RNF38: variants seen among roughly 807,000 people sequenced by gnomAD.
The protein encoded by RNF38 is ring finger protein 38.
In RNF38, 15 loss-of-function variants were observed where a neutral mutation model predicts 67.2. That is an observed-to-expected ratio of 0.22 (90% CI 0.15 to 0.34). The LOEUF (loss-of-function observed/expected upper bound fraction) is 0.34, where lower values mean the gene tolerates loss of function less well. Among genes scored for constraint, RNF38 ranks in the 10% least tolerant of loss-of-function variants. The pLI, the probability that RNF38 is intolerant of heterozygous loss-of-function variation, is 1.00. For synonymous variants in RNF38, 220 were observed against 218.8 expected, an observed-to-expected ratio of 1.01 and a Z score of -0.05; for missense variants, 524 against 639.9, an observed-to-expected ratio of 0.82 and a Z score of 1.95.
In RNF38 at chr9:36,458,721, T is replaced by A. The variant is rs950763897; in HGVS notation, n.241+28587A>T. Among the ~76,000 whole-genome samples, 22 of 149,556 alleles carry A rather than the reference T, an allele frequency of 1.5e-4. 1 individual carries two copies. The highest frequency in any genetic ancestry group is 4.9e-5 in the African/African-American group (2 of 40,478). ...ACACCATCTTTAAGAGTTGTAACACTCACCGCGAGGGTCCGCGGCTTCATT... is the reference window on the plus strand; with the variant it reads ...ACACCATCTTTAAGAGTTGTAACACACACCGCGAGGGTCCGCGGCTTCATT... On this transcript the variant is annotated intron_variant and non_coding_transcript_variant, in intron 1 of 3. Transcript: ENST00000488058.
chr9:36,396,337 C>CAGTA (rs1296360647), intron 1 of RNF38, among the ~76,000 whole-genome samples: 1 of 152,116 alleles, frequency 6.6e-6, no homozygotes, highest in African/African-American at 2.4e-5. Context: ...AGTGGTTGCC[C>CAGTA]AGTAAGTCCA....
chr9:36,411,874 A>C (rs1191806288), intron 2 of RNF38, among the ~76,000 whole-genome samples: 1 of 152,054 alleles, frequency 6.6e-6, no homozygotes, highest in East Asian at 1.9e-4. Context: ...CAGCCTTACA[A>C]AAGAGTATTA....
exon 1 of RNF38, chr9:36,487,453 C>A (rs1470952923): frequency 5.1e-6 from 5 of 979,994 alleles, no homozygotes; most frequent in African/African-American, 3.5e-5. Flanking sequence ...GGGGCCCAAG[C>A]TCGGCGGGGC....
intron 11 of RNF38, among the ~76,000 whole-genome samples, 180 bp downstream of exon 11, chr9:36,342,145 T>C (rs1832903318): frequency 6.8e-6 from 1 of 146,312 alleles, no homozygotes; most frequent in African/African-American, 2.5e-5. Flanking sequence ...GTATAGTCAC[T>C]CCTATGTTGT....
upstream of RNF38, among the ~76,000 whole-genome samples, chr9:36,401,685 A>C (rs920357144): frequency 2.6e-5 from 4 of 152,192 alleles, no homozygotes; most frequent in East Asian, 1.9e-4. Context: ...CAAAAGCACA[A>C]TCCATACAAG....
chr9:36,395,992 T>C (rs199954370), intron 1 of RNF38, among the ~76,000 whole-genome samples: 8 of 152,154 alleles, frequency 5.3e-5, no homozygotes, highest in African/African-American at 1.9e-4. Flanking sequence ...TCTTGGAATA[T>C]TAGGAAGAAA....
chr9:36,477,797 G>A (rs1840154505), intron 1 of RNF38, among the ~76,000 whole-genome samples: 1 of 146,966 alleles, frequency 6.8e-6, no homozygotes, highest in Admixed American at 6.9e-5. Context: ...ACTCCAGCCT[G>A]GGCGACAGAG....
chr9:36,476,512 G>A (rs1413814412), intron 1 of RNF38, among the ~76,000 whole-genome samples: 2 of 145,606 alleles, frequency 1.4e-5, no homozygotes, highest in Admixed American at 7.4e-5. Flanking sequence ...ATGGACTATC[G>A]GGCAATCTTT....
rs568821419 is a variant in RNF38 at position 36,458,610 on chromosome 9, C to G, written n.241+28698G>C. Among the ~76,000 whole-genome samples the G allele has an allele frequency of 1.4e-4, 21 of 152,242 alleles. No homozygotes were observed. In the South Asian group the frequency reaches 4.4e-3, roughly 32 times the overall value. On this transcript the variant is annotated intron_variant and non_coding_transcript_variant, in intron 1 of 3. Coordinates refer to the RNF38 transcript ENST00000488058. The stretch of plus-strand genomic sequence containing the variant: ...TAACACTCACTGCGAAGATCTGCGG[C>G]TTCACTCCTGAAGTCAGTGAGACCA...
At chr9:36,358,246 G>T (rs73648743) in intron 4 of RNF38, among the ~76,000 whole-genome samples, 1 of 152,078 alleles carries the variant, frequency 6.6e-6, no homozygotes, top group East Asian at 1.9e-4. Flanking sequence ...AGAATAAAAA[G>T]AACTGGAATC....
chr9:36,429,244 T>G (rs1052033055), intron 1 of RNF38, among the ~76,000 whole-genome samples: 3 of 152,162 alleles, frequency 2.0e-5, no homozygotes, highest in African/African-American at 7.2e-5. Flanking sequence ...ATTGCCTTCT[T>G]CTCTATCCCT....
chr9:36,405,193 G>C (rs1244030351), upstream of RNF38, among the ~76,000 whole-genome samples: 2 of 152,122 alleles, frequency 1.3e-5, no homozygotes, highest in Admixed American at 6.5e-5. Flanking sequence ...CTTGAACCCA[G>C]GAGGCGGAGG....
chr9:36,420,249 T>TCGGC (rs780192400), intron 2 of RNF38, among the ~76,000 whole-genome samples: 1 of 151,974 alleles, frequency 6.6e-6, no homozygotes, highest in Non-Finnish European at 1.5e-5. Context: ...AGGACAACCT[T>TCGGC]CGGCCGGGCA....
At position 36,432,569 on chromosome 9, in the gene RNF38, C is replaced by T. The variant is rs369095682; in HGVS notation, n.242-7886G>A. ...GCTTTGGGAGGCAGAGGCGGGCGGG[C>T]GGATCACAAGGTCAAGAGATTGAGA... On this transcript the variant is annotated intron_variant and non_coding_transcript_variant, in intron 1 of 3. Transcript: ENST00000488058. Among the ~76,000 whole-genome samples the T allele has an allele frequency of 5.9e-5, 9 of 151,988 alleles. No homozygotes were observed. The South Asian group carries it at 1.7e-3, about 28-fold the overall frequency.
intron 2 of RNF38, among the ~76,000 whole-genome samples, chr9:36,411,592 T>G (rs975787693): frequency 2.0e-5 from 3 of 152,280 alleles, no homozygotes; most frequent in Admixed American, 1.3e-4. Context: ...GACAGAGTCT[T>G]GCGCAATCAC....
At chr9:36,418,140 C>A (rs772596515) in intron 2 of RNF38, among the ~76,000 whole-genome samples, 2 of 151,702 alleles carry the variant, frequency 1.3e-5, no homozygotes, top group Non-Finnish European at 2.9e-5. Flanking sequence ...GTAATCTTCC[C>A]GCCTCAGCCT....
At chr9:36,419,221 C>A (rs1399473384) in intron 2 of RNF38, among the ~76,000 whole-genome samples, 13 of 152,116 alleles carry the variant, frequency 8.5e-5, no homozygotes, top group Admixed American at 8.5e-4. Context: ...AAATCCCAAA[C>A]ACTTCTGGTC....
At chr9:36,378,099 CACATGAACT>C (rs1279714156) in intron 2 of RNF38, among the ~76,000 whole-genome samples, 2 of 150,906 alleles carry the variant, frequency 1.3e-5, no homozygotes, top group Admixed American at 6.6e-5. Flanking sequence ...GACAAACTTG[CACATGAACT>C]ACATGAGCAC....
chr9:36,396,622 A>G (rs954131696), intron 1 of RNF38, among the ~76,000 whole-genome samples: 1 of 152,180 alleles, frequency 6.6e-6, no homozygotes, highest in African/African-American at 2.4e-5. Flanking sequence ...AGAACACTGC[A>G]AACAGGAATG....
Sources: gnomAD v4.1 joint callset for allele counts (sites outside exome capture counted in the v4.1 genomes callset) on GRCh38, gnomAD v4.1.1 for gene constraint, MANE v1.5 for transcripts, NCBI Gene and HGNC (gene_info 2026-07-23, HGNC 2026-07-21) for gene names.